Variants in AHCYL2 observed in about 807,000 individuals in gnomAD.
AHCYL2 encodes the protein S-adenosylhomocysteine hydrolase-like protein 2.
In AHCYL2, 28 loss-of-function variants were observed where a neutral mutation model predicts 81.4. The observed-to-expected ratio is 0.34, with a 90% CI of 0.25 to 0.47. The LOEUF (loss-of-function observed/expected upper bound fraction) is 0.47, where lower values mean the gene tolerates loss of function less well. Ranked by LOEUF, AHCYL2 falls within the 20% of genes least tolerant of loss-of-function variation. AHCYL2 has a pLI of 1.00. For missense variants in AHCYL2, 551 were observed against 785.1 expected (o/e 0.70, Z 3.56); for synonymous variants, 272 against 290.2 (o/e 0.94, Z 0.64).
chr7:129,272,214 G>A (rs1304409019), intron 1 of AHCYL2, among the ~76,000 whole-genome samples: 1 of 152,144 alleles, frequency 6.6e-6, no homozygotes. Context: ...TTTCAGCTAC[G>A]TGAGTTCCAG....
intron 11 of AHCYL2, among the ~76,000 whole-genome samples, chr7:129,409,961 C>A (rs1314827643): frequency 2.0e-5 from 3 of 150,186 alleles, no homozygotes; most frequent in East Asian, 1.9e-4. Flanking sequence ...GCTTAGAGTG[C>A]AAGTGAAGCA....
intron 1 of AHCYL2, among the ~76,000 whole-genome samples, chr7:129,263,905 G>A (rs1324846307): frequency 6.6e-6 from 1 of 152,206 alleles, no homozygotes; most frequent in Non-Finnish European, 1.5e-5. Context: ...GCTATTGTGG[G>A]GAGAAATAAA....
intron 8 of AHCYL2, 88 bp from the exon 9 acceptor site, chr7:129,405,748 A>T (rs1007972210): frequency 3.9e-6 from 5 of 1,272,358 alleles, no homozygotes; most frequent in Non-Finnish European, 5.4e-6. Flanking sequence ...ACCAACCAAA[A>T]AACCCCATGA....
chr7:129,413,728 C>A, intron 12 of AHCYL2, 40 bp downstream of exon 12: 2 of 1,549,896 alleles, frequency 1.3e-6, no homozygotes, highest in Non-Finnish European at 1.8e-6. Context: ...TTTTTTCTCT[C>A]CTTCACAAGA....
intron 1 of AHCYL2, among the ~76,000 whole-genome samples, chr7:129,258,969 A>T (rs986574680): frequency 2.0e-5 from 3 of 152,148 alleles, no homozygotes; most frequent in Admixed American, 6.5e-5. Context: ...TGCTATTTTA[A>T]AATCCTGCTC....
At chr7:129,301,248 A>G (rs1039687781) in intron 1 of AHCYL2, among the ~76,000 whole-genome samples, 1 of 152,156 alleles carries the variant, frequency 6.6e-6, no homozygotes, top group Non-Finnish European at 1.5e-5. Context: ...CTCCTTATAT[A>G]TTATGGTTAT....
intron 1 of AHCYL2, 89 bp downstream of exon 1, chr7:129,225,528 C>G: frequency 7.1e-7 from 1 of 1,401,616 alleles, no homozygotes. Context: ...CCCTCCACGC[C>G]CTCCTTTCTG....
At chr7:129,353,307 AGC>A (rs1302878503) in intron 1 of AHCYL2, among the ~76,000 whole-genome samples, 4 of 152,112 alleles carry the variant, frequency 2.6e-5, no homozygotes, top group South Asian at 4.1e-4. Context: ...ACTAAATTCC[AGC>A]CACACAAGTA....
intron 4 of AHCYL2, among the ~76,000 whole-genome samples, chr7:129,394,551 G>T (rs565624014): frequency 1.4e-5 from 2 of 147,712 alleles, no homozygotes; most frequent in African/African-American, 5.0e-5. Context: ...GGGATCAAGC[G>T]ATTCTCCTGC....
chr7:129,309,540 AAAAT>A (rs1445180691), intron 1 of AHCYL2, among the ~76,000 whole-genome samples: 5 of 152,232 alleles, frequency 3.3e-5, no homozygotes, highest in Non-Finnish European at 7.3e-5. Flanking sequence ...ACCTTGTCTC[AAAAT>A]AAATAAATGA....
chr7:129,247,239 A>G (rs887725706), intron 1 of AHCYL2, among the ~76,000 whole-genome samples: 1 of 152,230 alleles, frequency 6.6e-6, no homozygotes, highest in South Asian at 2.1e-4. Context: ...AATACTTGGC[A>G]TTGTCAGTCT....
chr7:129,227,545 G>C (rs1413515124), intron 1 of AHCYL2, among the ~76,000 whole-genome samples: 2 of 142,930 alleles, frequency 1.4e-5, no homozygotes, highest in African/African-American at 2.6e-5. Context: ...AGGATCACCT[G>C]AGCCCAGGAA....
chr7:129,248,180 C>T (rs565173142), intron 1 of AHCYL2, among the ~76,000 whole-genome samples: 1 of 152,192 alleles, frequency 6.6e-6, no homozygotes, highest in African/African-American at 2.4e-5. Flanking sequence ...TCTAGACTTT[C>T]TTCTGTTCCA....
chr7:129,255,728 A>G (rs1051210954), intron 1 of AHCYL2, among the ~76,000 whole-genome samples: 3 of 152,114 alleles, frequency 2.0e-5, no homozygotes, highest in Admixed American at 1.3e-4. Context: ...CACGCCTGTA[A>G]TCCCAGCACT....
At chr7:129,237,918 C>T (rs1794698108) in intron 1 of AHCYL2, among the ~76,000 whole-genome samples, 1 of 152,042 alleles carries the variant, frequency 6.6e-6, no homozygotes, top group African/African-American at 2.4e-5. Context: ...GACAGGGTTT[C>T]ACCATCTTGG....
chr7:129,365,485 TTATA>T (rs1794076634), intron 1 of AHCYL2, among the ~76,000 whole-genome samples: 1 of 151,678 alleles, frequency 6.6e-6, no homozygotes, highest in Non-Finnish European at 1.5e-5. Context: ...GAAATTGGAG[TTATA>T]TAGAGAGGTC....
At chr7:129,335,987 G>A (rs1798585581) in intron 1 of AHCYL2, among the ~76,000 whole-genome samples, 2 of 151,748 alleles carry the variant, frequency 1.3e-5, no homozygotes. Context: ...TAGAGTAGAT[G>A]GCTTCTATTG....
intron 1 of AHCYL2, among the ~76,000 whole-genome samples, chr7:129,372,565 T>G (rs567577305): frequency 6.6e-6 from 1 of 152,244 alleles, no homozygotes; most frequent in South Asian, 2.1e-4. Flanking sequence ...CCCAGCACTT[T>G]GGGAGGCCAA....
chr7:129,305,246 G>T (rs535109610), intron 1 of AHCYL2, among the ~76,000 whole-genome samples: 19 of 152,290 alleles, frequency 1.2e-4, no homozygotes, highest in African/African-American at 4.3e-4. Context: ...CAGATCACGA[G>T]GTCAAGAGAT....
Sources: allele counts gnomAD v4.1 joint callset (sites outside exome capture counted in the v4.1 genomes callset), GRCh38; gene constraint gnomAD v4.1.1; transcripts MANE v1.5; gene names NCBI Gene and HGNC (gene_info 2026-07-23, HGNC 2026-07-21).